CEP120: variants seen among roughly 807,000 people sequenced by gnomAD.
CEP120 encodes centrosomal protein of 120 kDa.
In CEP120, 113 loss-of-function variants were observed where a neutral mutation model predicts 126.5. That is an observed-to-expected ratio of 0.89 (90% confidence interval 0.77 to 1.04). The LOEUF is 1.04. CEP120 is among the 50% of genes least tolerant of loss of function. The probability of loss-of-function intolerance (pLI) is 0.00; values close to 1 mark genes in which losing one functional copy is unlikely to be tolerated. For missense variants in CEP120, 1,230 were observed against 1,155.7 expected, an observed-to-expected ratio of 1.06 and a Z score of -0.93; for synonymous variants, 400 against 394.3, an observed-to-expected ratio of 1.01 and a Z score of -0.17.
chr5:123,364,141 G>A (rs949228462), intron 18 of CEP120, among the ~76,000 whole-genome samples: 1 of 151,444 alleles, frequency 6.6e-6, no homozygotes, highest in African/African-American at 2.4e-5. Flanking sequence ...TTAAACTTGA[G>A]AAAATGTTCA....
intron 19 of CEP120, among the ~76,000 whole-genome samples, chr5:123,348,967 AT>A (rs200730791): frequency 1.3e-4 from 19 of 151,492 alleles, no homozygotes; most frequent in African/African-American, 2.2e-4. Flanking sequence ...AGTCTGTGGT[AT>A]TTTTTTTTAA....
chr5:123,406,726 A>G (rs1317194949), intron 4 of CEP120, among the ~76,000 whole-genome samples: 1 of 152,090 alleles, frequency 6.6e-6, no homozygotes, highest in Non-Finnish European at 1.5e-5. Flanking sequence ...GAAATATTAA[A>G]AAGTTCTTCA....
intron 9 of CEP120, 66 bp from the exon 10 acceptor site, chr5:123,386,733 C>G: frequency 8.2e-7 from 1 of 1,212,202 alleles, no homozygotes; most frequent in Non-Finnish European, 1.1e-6. Flanking sequence ...GACATTCAGT[C>G]TGTTTTTTAG....
At chr5:123,417,557 C>T (rs917196942) in intron 2 of CEP120, among the ~76,000 whole-genome samples, 1 of 151,958 alleles carries the variant, frequency 6.6e-6, no homozygotes, top group Non-Finnish European at 1.5e-5. Context: ...GAATTACTTT[C>T]ATAACTTTTC....
chr5:123,399,115 C>T (rs780621489), intron 5 of CEP120, 21 bp downstream of exon 5: 1 of 1,541,024 alleles, frequency 6.5e-7, no homozygotes, highest in South Asian at 1.3e-5. Flanking sequence ...CGTAAGTCAC[C>T]AATCTCATGA....
chr5:123,382,060 A>G (rs747663936), intron 14 of CEP120, 51 bp downstream of exon 14: 5 of 1,217,288 alleles, frequency 4.1e-6, no homozygotes, highest in Non-Finnish European at 5.9e-6. Flanking sequence ...AATACAAGAT[A>G]TTATCATTAA....
chr5:123,349,153 G>C (rs1467077558), intron 19 of CEP120, among the ~76,000 whole-genome samples: 1 of 152,144 alleles, frequency 6.6e-6, no homozygotes, highest in Non-Finnish European at 1.5e-5. Flanking sequence ...TTGTGATTCA[G>C]ATGAACGCAG....
intron 5 of CEP120, among the ~76,000 whole-genome samples, chr5:123,397,203 A>T (rs776589457): frequency 1.3e-5 from 2 of 152,172 alleles, no homozygotes; most frequent in Non-Finnish European, 2.9e-5. Flanking sequence ...AGGTGCCTGT[A>T]ATCCCAGCTA....
intron 18 of CEP120, among the ~76,000 whole-genome samples, chr5:123,350,845 G>A (rs1472271115): frequency 1.3e-5 from 2 of 152,104 alleles, no homozygotes; most frequent in Non-Finnish European, 1.5e-5. Flanking sequence ...TAAAATAAAT[G>A]AGTAACATTC....
rs1482583435 is a variant in CEP120 at position 123,388,566 on chromosome 5, A to G, written c.1296T>C (p.Thr432=). The change falls in exon 9 of 20, where the codon ACT becomes ACC. Residue 432 remains threonine, a synonymous_variant. Transcript: ENST00000306467. The part of the protein sequence containing the change: ...SVPASLAQLV[T]TSNASEVASG... ...AAGCTACTTCTGAAGCATTGGATGT[A>G]GTCACTAGCTGGGCCAGTGAAGCAG... 1.2e-6 allele frequency: 2 copies of G among 1,604,528 alleles called. No individual in the cohort carries two copies. Among genetic ancestry groups the G allele is most frequent in the South Asian group, 1.1e-5 (1 of 88,776 alleles).
At chr5:123,372,294 G>A (rs1770907689) in intron 17 of CEP120, among the ~76,000 whole-genome samples, 1 of 152,034 alleles carries the variant, frequency 6.6e-6, no homozygotes, top group Non-Finnish European at 1.5e-5. Flanking sequence ...GCACCAAAAG[G>A]AGCAACCGAA....
chr5:123,389,613 G>A (rs1479290089), intron 8 of CEP120, among the ~76,000 whole-genome samples: 2 of 152,094 alleles, frequency 1.3e-5, no homozygotes, highest in Non-Finnish European at 2.9e-5. Context: ...CAATTCTCCT[G>A]CCTCAGCCTC....
At position 123,349,257 on chromosome 5, in the gene CEP120, C is replaced by A. The variant is rs1769038450; in HGVS notation, c.2726+687G>T. ...CTCCATGATTTACTAGCTACATGAT[C>A]TTGAATAATGTTTAAGCTCTGTCTT... On this transcript the variant is annotated intron_variant, in intron 19 of 19. Coordinates refer to ENST00000306467, the MANE Select transcript of CEP120 (RefSeq NM_001375405.1). Among the ~76,000 whole-genome samples the A allele has an allele frequency of 2.0e-5, 3 of 152,128 alleles. No homozygotes were observed. In the South Asian group the frequency reaches 6.2e-4, roughly 32 times the overall value.
At chr5:123,406,709 T>C (rs1773701725) in intron 4 of CEP120, among the ~76,000 whole-genome samples, 2 of 151,790 alleles carry the variant, frequency 1.3e-5, no homozygotes. Flanking sequence ...AGTAGACCTG[T>C]GTGCAAGAAA....
At chr5:123,385,974 T>A (rs1771993491) in intron 10 of CEP120, among the ~76,000 whole-genome samples, 1 of 152,158 alleles carries the variant, frequency 6.6e-6, no homozygotes, top group African/African-American at 2.4e-5. Flanking sequence ...CCACAAATGG[T>A]TAGATTTAAG....
intron 5 of CEP120, among the ~76,000 whole-genome samples, chr5:123,395,523 T>G (rs1772717787): frequency 6.6e-6 from 1 of 152,228 alleles, no homozygotes; most frequent in East Asian, 1.9e-4. Flanking sequence ...CTGCCCCCAG[T>G]CCCTGGAAAT....
chr5:123,386,771 C>A (rs1772058569), intron 9 of CEP120, 104 bp from the exon 10 acceptor site: 1 of 854,694 alleles, frequency 1.2e-6, no homozygotes. Flanking sequence ...ATATTATGAG[C>A]AAATACAACT....
intron 4 of CEP120, among the ~76,000 whole-genome samples, chr5:123,399,632 A>G (rs1773041998): frequency 6.6e-6 from 1 of 152,172 alleles, no homozygotes; most frequent in South Asian, 2.1e-4. Context: ...GGAATGGGGG[A>G]GTAAAAAAAA....
chr5:123,382,009 A>G, intron 14 of CEP120, 102 bp downstream of exon 14: 1 of 754,086 alleles, frequency 1.3e-6, no homozygotes, highest in Admixed American at 2.6e-5. Context: ...ACATATCACC[A>G]CTAAAATTAG....
Sources: gnomAD v4.1 joint callset for allele counts (sites outside exome capture counted in the v4.1 genomes callset) on GRCh38, gnomAD v4.1.1 for gene constraint, MANE v1.5 for transcripts, NCBI Gene and HGNC (gene_info 2026-07-23, HGNC 2026-07-21) for gene names.